DCTN3: variants seen among roughly 807,000 people sequenced by gnomAD.
DCTN3 encodes dynactin 3 (p22).
Under a neutral mutation model 28.4 loss-of-function variants are expected in DCTN3, and 25 were observed. The observed-to-expected ratio is 0.88, with a 90% CI of 0.64 to 1.23. The LOEUF is 1.23. Ranked by LOEUF, DCTN3 falls within the 50% of genes most tolerant of loss-of-function variation. The pLI is 0.00. For missense variants in DCTN3, 229 were observed against 232.0 expected (o/e 0.99, Z 0.08); for synonymous variants, 81 against 91.4 (o/e 0.89, Z 0.65).
chr9:34,617,523 ACT>A, intron 3 of DCTN3: 1 of 641,868 alleles, frequency 1.6e-6, no homozygotes, highest in Non-Finnish European at 2.3e-6. Flanking sequence ...TCATGCCAAT[ACT>A]CTCTCTGTTC....
Position 34,616,262 on chromosome 9 carries a change from G to A in DCTN3, c.269-149C>T, listed in dbSNP as rs1820423318. The A allele has an allele frequency of 6.6e-6, 4 of 605,928 alleles. No individual in the cohort carries two copies. The highest frequency in any genetic ancestry group is 1.9e-5 in the South Asian group (1 of 51,702). 37.5% of individuals were successfully genotyped at this position (605,928 alleles called of 1,614,324 possible). On this transcript the variant is annotated intron_variant, in intron 3 of 6. Transcript: ENST00000259632. This position sits in a 1 kb window ranked among gnomAD's most constrained non-coding sequence, Gnocchi z 4.7. ...CTGTCCACTGCCCCCTTCTCTAGGTGCACATTTCCATCCTGCCCCCAACTC... is the reference window on the plus strand; with the variant it reads ...CTGTCCACTGCCCCCTTCTCTAGGTACACATTTCCATCCTGCCCCCAACTC...
intron 3 of DCTN3, chr9:34,617,500 A>C: frequency 1.9e-6 from 1 of 513,178 alleles, no homozygotes; most frequent in Middle Eastern, 7.3e-4. Context: ...ACATGAAAGA[A>C]AGATGTTGAA....
intron 5 of DCTN3, 196 bp from the exon 6 acceptor site, chr9:34,614,297 G>T (rs981752848): frequency 8.7e-6 from 11 of 1,260,692 alleles, no homozygotes; most frequent in East Asian, 2.4e-5. Context: ...GTCCAAAGAC[G>T]GATGGAAAAG....
Position 34,616,171 on chromosome 9 carries a change from G to T in DCTN3, c.269-58C>A. On this transcript the variant is annotated intron_variant, in intron 3 of 6. Coordinates refer to ENST00000259632, the MANE Select transcript of DCTN3 (RefSeq NM_007234.5). This position sits in a 1 kb window ranked among gnomAD's most constrained non-coding sequence, Gnocchi z 4.7. ...AAGCAAACCTGGGCATTGCTAATCAGCCCATGTAAGGGCCTGAGGACCTGG... is the reference window on the plus strand; with the variant it reads ...AAGCAAACCTGGGCATTGCTAATCATCCCATGTAAGGGCCTGAGGACCTGG... The T allele has an allele frequency of 7.1e-7, 1 of 1,398,834 alleles. No individual in the cohort carries two copies. Among genetic ancestry groups the T allele is most frequent in the Admixed American group, 1.7e-5 (1 of 57,532 alleles). 86.7% of individuals were successfully genotyped at this position (1,398,834 alleles called of 1,614,324 possible). A position where few individuals can be genotyped will look rare whatever the true frequency, so the allele number is the denominator to read the frequency against.
chr9:34,617,078 A>G, intron 3 of DCTN3, among the ~76,000 whole-genome samples: 1 of 152,160 alleles, frequency 6.6e-6, no homozygotes, highest in South Asian at 2.1e-4. Flanking sequence ...TCAGTGCAGG[A>G]GAATATCTAA....
In DCTN3 at chr9:34,613,636, G is replaced by A; in HGVS notation, c.*146C>T. 1 of 1,109,226 alleles carries A rather than the reference G, an allele frequency of 9.0e-7. No homozygotes were observed. The highest frequency in any genetic ancestry group is 1.2e-6 in the Non-Finnish European group (1 of 811,056). The allele number at this position is 1,109,226 out of a possible 1,614,324, so 68.7% of individuals were successfully genotyped here. On this transcript the variant is annotated 3_prime_UTR_variant, in exon 7 of 7. Coordinates refer to ENST00000259632, the MANE Select transcript of DCTN3 (RefSeq NM_007234.5). Reference sequence around the variant, plus strand: ...GCAAATTGCAAACCTCAGGTAACCTGACCTCCAACTTTAGAGCCCAGAGTA... The same window carrying A: ...GCAAATTGCAAACCTCAGGTAACCTAACCTCCAACTTTAGAGCCCAGAGTA...
At chr9:34,614,197 G>A in intron 5 of DCTN3, 96 bp from the exon 6 acceptor site, 1 of 1,606,852 alleles carries the variant, frequency 6.2e-7, no homozygotes, top group South Asian at 1.1e-5. Flanking sequence ...TCCCCATGGA[G>A]CCTAAAAAAG....
chr9:34,613,859 A>T lies in DCTN3; in HGVS notation c.484T>A (p.Ser162Thr). The T allele has an allele frequency of 1.9e-6, 3 of 1,614,154 alleles. No individual in the cohort carries two copies. Among genetic ancestry groups the T allele is most frequent in the Admixed American group, 1.7e-5 (1 of 60,028 alleles). Residue 162 changes from serine (S) to threonine (T), a missense_variant, in exon 7 of 7, where the codon TCC becomes ACC. Ser to Thr is a moderately conservative substitution (Grantham distance 58). Coordinates refer to ENST00000259632, the MANE Select transcript of DCTN3 (RefSeq NM_007234.5). ...EEYNKTTMLL[S>T]KQFVQWDELL... ...TCATCCCACTGCACGAATTGCTTGG[A>T]GAGAAGCATTGTCTGGTTGTAGGTC...
chr9:34,618,876 G>A, intron 1 of DCTN3, 116 bp from the exon 2 acceptor site: 1 of 789,072 alleles, frequency 1.3e-6, no homozygotes, highest in Non-Finnish European at 2.2e-6. Context: ...ATCTAGGTTG[G>A]CCTCCCTTCT....
chr9:34,619,597 C>T (rs1229795193), intron 1 of DCTN3, among the ~76,000 whole-genome samples: 8 of 152,072 alleles, frequency 5.3e-5, no homozygotes, highest in Admixed American at 3.9e-4. Flanking sequence ...AGAAGGAAAA[C>T]CAGGAGGGTC....
rs1820532404 is a variant in DCTN3 at position 34,620,450 on chromosome 9, A to G, written c.15T>C (p.Thr5=). 6.4e-7 allele frequency: 1 copy of G among 1,552,830 alleles called. No homozygotes were observed. The highest frequency in any genetic ancestry group is 8.7e-7 in the Non-Finnish European group (1 of 1,148,780). Residue 5 remains threonine (T), a synonymous_variant, in exon 1 of 7, where the codon ACT becomes ACC. Transcript: ENST00000259632. MAGL[T]DLQRLQARVE... ...CTCGGGCCTGTAGCCGCTGCAAGTCAGTCAGACCCGCCATCGCTACTACCG... is the reference window on the plus strand; with the variant it reads ...CTCGGGCCTGTAGCCGCTGCAAGTCGGTCAGACCCGCCATCGCTACTACCG...
At chr9:34,619,822 C>T (rs1820510602) in intron 1 of DCTN3, among the ~76,000 whole-genome samples, 1 of 152,166 alleles carries the variant, frequency 6.6e-6, no homozygotes, top group Admixed American at 6.5e-5. Context: ...ACCTGAGCTT[C>T]GTAGTTGTCA....
chr9:34,619,393 G>GTAAA (rs1216124058), intron 1 of DCTN3, among the ~76,000 whole-genome samples: 1 of 152,216 alleles, frequency 6.6e-6, no homozygotes, highest in Non-Finnish European at 1.5e-5. Context: ...ATATTGACAT[G>GTAAA]TAAATAGTAA....
intron 5 of DCTN3, chr9:34,614,468 T>A (rs1820376376): frequency 1.6e-6 from 1 of 618,214 alleles, no homozygotes. Context: ...AATTCTTGGG[T>A]ACCTCCCAGC....
At chr9:34,614,914 T>A in intron 4 of DCTN3, 146 bp from the exon 5 acceptor site, 1 of 945,482 alleles carries the variant, frequency 1.1e-6, no homozygotes, top group Non-Finnish European at 1.6e-6. Flanking sequence ...CAGCTGGAGG[T>A]GGCAGTGGGG....
At position 34,617,590 on chromosome 9, in the gene DCTN3, GAGC is replaced by G. The variant is rs778337990; in HGVS notation, c.268+292_268+294del. The stretch of plus-strand genomic sequence containing the variant: ...TTTCCTAGAAGCTCCTCTGTCTAGT[GAGC>G]AGAAGTGAGGAAGGTTCTGAAGGAA... On this transcript the variant is annotated intron_variant, in intron 3 of 6. Coordinates refer to ENST00000259632, the MANE Select transcript of DCTN3 (RefSeq NM_007234.5). The G allele has an allele frequency of 4.7e-6, 6 of 1,287,802 alleles. No homozygotes were observed. In the East Asian group the frequency reaches 2.2e-4, roughly 48 times the overall value. 79.8% of individuals were successfully genotyped at this position (1,287,802 alleles called of 1,614,324 possible).
chr9:34,618,065 G>A (rs1820464294), intron 2 of DCTN3, 94 bp from the exon 3 acceptor site: 9 of 1,286,894 alleles, frequency 7.0e-6, no homozygotes, highest in Non-Finnish European at 8.6e-6. Context: ...CTTGAGGAGA[G>A]CCTTCAATGA....
chr9:34,617,353 G>C (rs568918130), intron 3 of DCTN3, among the ~76,000 whole-genome samples: 20 of 152,370 alleles, frequency 1.3e-4, no homozygotes, highest in African/African-American at 4.1e-4. Context: ...ACCTGGATCA[G>C]AGTAGATGAT....
intron 2 of DCTN3, among the ~76,000 whole-genome samples, chr9:34,618,294 G>A (rs1395050765): frequency 6.6e-6 from 1 of 152,040 alleles, no homozygotes; most frequent in African/African-American, 2.4e-5. Flanking sequence ...ACCGAGACAA[G>A]CCAGAGCTTT....
Sources: allele counts gnomAD v4.1 joint callset (sites outside exome capture counted in the v4.1 genomes callset), GRCh38; gene constraint gnomAD v4.1.1; non-coding constraint Gnocchi (gnomAD v3.1); transcripts MANE v1.5; gene names NCBI Gene and HGNC (gene_info 2026-07-23, HGNC 2026-07-21).